STK10: variants seen among roughly 807,000 people sequenced by gnomAD.
STK10 encodes serine/threonine kinase 10, also known as serine/threonine-protein kinase 10.
A neutral mutation model predicts 113.8 loss-of-function variants in STK10; 78 were observed. That is an observed-to-expected ratio of 0.69 (90% CI 0.57 to 0.83). STK10 has a LOEUF of 0.83. Among genes scored for constraint, STK10 ranks in the 40% least tolerant of loss-of-function variants. The probability of loss-of-function intolerance (pLI) is 0.00; values close to 1 mark genes in which losing one functional copy is unlikely to be tolerated. For missense variants in STK10, 1,109 were observed against 1,280.1 expected (o/e 0.87, Z 2.04); for synonymous variants, 465 against 494.7 (o/e 0.94, Z 0.80).
At chr5:172,091,655 T>G (rs549259579) in intron 9 of STK10, among the ~76,000 whole-genome samples, 5 of 151,880 alleles carry the variant, frequency 3.3e-5, no homozygotes, top group Admixed American at 2.0e-4. Flanking sequence ...CTTAGCCTCC[T>G]GAGTGGCTGG....
At chr5:172,076,976 G>A (rs1768323353) in intron 12 of STK10, among the ~76,000 whole-genome samples, 1 of 151,954 alleles carries the variant, frequency 6.6e-6, no homozygotes, top group Non-Finnish European at 1.5e-5. Flanking sequence ...GACCATGGAG[G>A]GCGAAGGCAA....
chr5:172,164,855 C>T (rs989548867), intron 1 of STK10, among the ~76,000 whole-genome samples: 1 of 152,232 alleles, frequency 6.6e-6, no homozygotes, highest in Non-Finnish European at 1.5e-5. Context: ...GAAGCAAGGC[C>T]GGGTTCCGGC....
At chr5:172,074,331 G>C (rs912162194) in intron 12 of STK10, among the ~76,000 whole-genome samples, 2 of 152,178 alleles carry the variant, frequency 1.3e-5, no homozygotes, top group Admixed American at 6.5e-5. Flanking sequence ...TGTAGTATTG[G>C]TGAAGGACAG....
At chr5:172,069,974 G>A (rs986046089) in intron 12 of STK10, among the ~76,000 whole-genome samples, 1 of 152,194 alleles carries the variant, frequency 6.6e-6, no homozygotes, top group Non-Finnish European at 1.5e-5. Context: ...TGGGCCGGGC[G>A]TGGTGGCTCA....
intron 4 of STK10, 54 bp from the exon 5 acceptor site, chr5:172,107,906 C>G: frequency 6.4e-7 from 1 of 1,550,844 alleles, no homozygotes; most frequent in African/African-American, 1.4e-5. Flanking sequence ...GGGGTAAAAG[C>G]CGGGGATGTG....
intron 2 of STK10, among the ~76,000 whole-genome samples, chr5:172,153,318 A>AGAGAGAGAGAGAGAGAGAGAGAG (rs1561828316): frequency 3.3e-5 from 4 of 119,762 alleles, no homozygotes; most frequent in African/African-American, 1.5e-4. Flanking sequence ...GAAAGAAAGA[A>AGAGAGAGAGAGAGAGAGAGAGAG]AGAAAGAAAT....
intron 2 of STK10, among the ~76,000 whole-genome samples, chr5:172,150,593 C>T (rs779297778): frequency 8.5e-5 from 13 of 152,134 alleles, no homozygotes; most frequent in Non-Finnish European, 1.5e-4. Flanking sequence ...CAGCTACTTC[C>T]GGGTGTCACA....
chr5:172,108,935 C>G (rs1769175903), intron 4 of STK10, among the ~76,000 whole-genome samples: 1 of 151,960 alleles, frequency 6.6e-6, no homozygotes, highest in Non-Finnish European at 1.5e-5. Flanking sequence ...CAGGCATGTG[C>G]CGACATGCCC....
At chr5:172,090,935 TAAAA>T (rs547251159) in intron 9 of STK10, among the ~76,000 whole-genome samples, 1,264 of 46,054 alleles carry the variant, frequency 0.027, 30 homozygotes, top group African/African-American at 0.11. Flanking sequence ...ACTCCGTCTC[TAAAA>T]AAAAAAAAAA....
At chr5:172,123,042 C>T (rs1346101365) in intron 3 of STK10, among the ~76,000 whole-genome samples, 1 of 152,188 alleles carries the variant, frequency 6.6e-6, no homozygotes, top group Non-Finnish European at 1.5e-5. Flanking sequence ...GTATTCTCTC[C>T]ATCTCACAAA....
rs887291437 is a variant in STK10, at chr5:172,145,804, A to G, written c.321+10820T>C. Reference sequence around the variant, plus strand: ...GTGATCACATGGGATCACACAGGGAAAGCCTGTAGCTCAGAACCTGGTGTC... The same window carrying G: ...GTGATCACATGGGATCACACAGGGAGAGCCTGTAGCTCAGAACCTGGTGTC... On this transcript the variant is annotated intron_variant, in intron 2 of 18. Transcript: ENST00000176763. Among the ~76,000 whole-genome samples, 9 of 152,312 alleles carry G rather than the reference A, an allele frequency of 5.9e-5. No individual in the cohort carries two copies. In the South Asian group the frequency reaches 8.3e-4, roughly 14 times the overall value.
chr5:172,131,008 A>T (rs1483413117), intron 2 of STK10, among the ~76,000 whole-genome samples: 1 of 151,772 alleles, frequency 6.6e-6, no homozygotes, highest in Admixed American at 6.6e-5. Flanking sequence ...TTGAGAACTA[A>T]AAGTTATGGA....
At chr5:172,058,323 A>G (rs557092082) in intron 14 of STK10, among the ~76,000 whole-genome samples, 1 of 152,352 alleles carries the variant, frequency 6.6e-6, no homozygotes, top group East Asian at 1.9e-4. Context: ...TAGGAAAAGG[A>G]AGTGAGGGCT....
chr5:172,156,865 T>C, intron 1 of STK10, 77 bp from the exon 2 acceptor site: 1 of 1,510,224 alleles, frequency 6.6e-7, no homozygotes, highest in Non-Finnish European at 8.9e-7. Flanking sequence ...CCCGCAGTCC[T>C]GCATGAGTGT....
intron 17 of STK10, among the ~76,000 whole-genome samples, chr5:172,053,400 C>T (rs1006646610): frequency 2.0e-5 from 3 of 150,150 alleles, no homozygotes; most frequent in African/African-American, 7.4e-5. Flanking sequence ...GCCTTCAGAA[C>T]TGTGAGAAAG....
chr5:172,141,370 A>G (rs1267436051), intron 2 of STK10, among the ~76,000 whole-genome samples: 1 of 152,088 alleles, frequency 6.6e-6, no homozygotes, highest in Non-Finnish European at 1.5e-5. Context: ...TGAGCTCAGG[A>G]GTTCGAGACC....
At chr5:172,153,291 AG>A (rs1770278600) in intron 2 of STK10, among the ~76,000 whole-genome samples, 5 of 5,314 alleles carry the variant, frequency 9.4e-4, no homozygotes, top group African/African-American at 1.7e-3. Context: ...CATCTCAAAA[AG>A]AAAGAAAGAA....
chr5:172,080,314 C>T (rs1768401966), intron 12 of STK10, among the ~76,000 whole-genome samples: 1 of 152,110 alleles, frequency 6.6e-6, no homozygotes, highest in African/African-American at 2.4e-5. Flanking sequence ...TGATATTAGG[C>T]CAATTAATAT....
chr5:172,080,125 T>C (rs970867711), intron 12 of STK10, among the ~76,000 whole-genome samples: 10 of 152,144 alleles, frequency 6.6e-5, no homozygotes, highest in African/African-American at 2.4e-4. Context: ...ATTATGACGA[T>C]CTGTGATGAG....
Sources: gnomAD v4.1 joint callset for allele counts (sites outside exome capture counted in the v4.1 genomes callset) on GRCh38, gnomAD v4.1.1 for gene constraint, MANE v1.5 for transcripts, NCBI Gene and HGNC (gene_info 2026-07-23, HGNC 2026-07-21) for gene names.